PABPC1: variants seen among roughly 807,000 people sequenced by gnomAD.
PABPC1 encodes the protein poly(A) binding protein cytoplasmic 1.
In PABPC1, 4 loss-of-function variants were observed where a neutral mutation model predicts 74.0. That is an observed-to-expected ratio of 0.05 (90% CI 0.03 to 0.12). The LOEUF (loss-of-function observed/expected upper bound fraction) is 0.12. Ranked by LOEUF, PABPC1 falls within the 10% of genes least tolerant of loss-of-function variation. The pLI, the probability that PABPC1 is intolerant of heterozygous loss-of-function variation, is 1.00. For missense variants in PABPC1, 271 were observed against 821.1 expected (o/e 0.33, Z 8.19); for synonymous variants, 227 against 264.1 (o/e 0.86, Z 1.36).
At chr8:100,709,249 T>G (rs535853583) in intron 8 of PABPC1, 26 bp from the exon 9 acceptor site, 2 of 1,597,676 alleles carry the variant, frequency 1.3e-6, no homozygotes, top group Admixed American at 3.4e-5. Flanking sequence ...GCACATGAGT[T>G]TATCAGTTGA....
In PABPC1 at chr8:100,717,763, T is replaced by C. The variant is rs1384503425; in HGVS notation, c.503+10A>G. 2.7e-6 allele frequency: 4 copies of C among 1,466,666 alleles called. No individual in the cohort carries two copies. The African/African-American group carries it at 5.6e-5, about 20-fold the overall frequency. 90.9% of individuals were successfully genotyped at this position (1,466,666 alleles called of 1,614,324 possible). A position where few individuals can be genotyped will look rare whatever the true frequency, so the allele number is the denominator to read the frequency against. ...TTCAAAATATGATTAGCTAGATATT[T>C]ATAACTTACACTTTGCGATCATTTA... On this transcript the variant is annotated intron_variant, in intron 3 of 14. Coordinates refer to ENST00000318607, the MANE Select transcript of PABPC1 (RefSeq NM_002568.4).
rs1288716003 is a variant in PABPC1, at chr8:100,709,260, AG to A, written c.1246-38del. 4 of 1,573,014 alleles carry A rather than the reference AG, an allele frequency of 2.5e-6. No homozygotes were observed. The African/African-American group carries it at 5.4e-5, about 21-fold the overall frequency. On this transcript the variant is annotated intron_variant, in intron 8 of 14. Transcript: ENST00000318607. The stretch of plus-strand genomic sequence containing the variant: ...AAAAGCACATGAGTTTATCAGTTGA[AG>A]AAAAAAGCAAATAATGCAATAAATT...
chr8:100,706,494 C>A (rs1324623592), intron 11 of PABPC1, among the ~76,000 whole-genome samples, 157 bp downstream of exon 11: 1 of 152,058 alleles, frequency 6.6e-6, no homozygotes, highest in African/African-American at 2.4e-5. Flanking sequence ...TGTATGTTGC[C>A]CAGGCTGGTC....
intron 4 of PABPC1, among the ~76,000 whole-genome samples, chr8:100,713,985 G>A (rs1810598113): frequency 6.6e-6 from 1 of 152,164 alleles, no homozygotes; most frequent in Admixed American, 6.6e-5. Flanking sequence ...ATTTATTTCT[G>A]AAGACATGTT....
intron 3 of PABPC1, among the ~76,000 whole-genome samples, 172 bp from the exon 4 acceptor site, chr8:100,715,773 T>C (rs1469828894): frequency 6.6e-6 from 1 of 152,082 alleles, no homozygotes; most frequent in Admixed American, 6.5e-5. Context: ...CCATGAAATA[T>C]ATGAATAAGC....
At chr8:100,712,301 A>G (rs993410868) in intron 7 of PABPC1, 61 bp downstream of exon 7, 10 of 943,274 alleles carry the variant, frequency 1.1e-5, no homozygotes, top group Non-Finnish European at 1.6e-5. Flanking sequence ...ATTTATATAC[A>G]TATATCTACA....
chr8:100,717,248 T>C (rs1467625989), intron 3 of PABPC1, among the ~76,000 whole-genome samples: 1 of 152,138 alleles, frequency 6.6e-6, no homozygotes, highest in East Asian at 1.9e-4. Flanking sequence ...CCTCAGGTGA[T>C]CCGCCCACCT....
chr8:100,704,775 G>A (rs777866904), intron 13 of PABPC1, 151 bp downstream of exon 13: 85 of 768,346 alleles, frequency 1.1e-4, no homozygotes, highest in South Asian at 1.5e-4. Context: ...CTATAAAATG[G>A]GGATAAATAG....
intron 4 of PABPC1, among the ~76,000 whole-genome samples, chr8:100,714,628 TAG>T (rs1810618330): frequency 6.6e-6 from 1 of 151,736 alleles, no homozygotes; most frequent in East Asian, 1.9e-4. Context: ...CTACTCAAGG[TAG>T]AGATAGGAGA....
rs1018068105 is a variant in PABPC1 at position 100,722,054 on chromosome 8, C to G, written c.-471G>C. On this transcript the variant is annotated 5_prime_UTR_variant, in exon 1 of 15. Transcript: ENST00000318607. ...GTGTTCCGAGCCCGGAGCACACACT[C>G]CGCACTCTCAGCACTAACCGCCGGG... is the stretch of plus-strand genomic sequence containing the variant. The G allele has an allele frequency of 6.5e-6, 1 of 153,054 alleles. No individual in the cohort carries two copies. Among genetic ancestry groups the G allele is most frequent in the Non-Finnish European group, 1.5e-5 (1 of 68,328 alleles). 9.5% of individuals were successfully genotyped at this position (153,054 alleles called of 1,614,324 possible). A position where few individuals can be genotyped will look rare whatever the true frequency, so the allele number is the denominator to read the frequency against.
intron 4 of PABPC1, among the ~76,000 whole-genome samples, chr8:100,714,209 A>G (rs1810604366): frequency 6.6e-6 from 1 of 152,236 alleles, no homozygotes; most frequent in Non-Finnish European, 1.5e-5. Context: ...CTTATGCAGC[A>G]TTACTCATAC....
At chr8:100,718,818 G>A (rs541133648) in intron 1 of PABPC1, among the ~76,000 whole-genome samples, 1 of 152,230 alleles carries the variant, frequency 6.6e-6, no homozygotes, top group South Asian at 2.1e-4. Flanking sequence ...TTAATTATTG[G>A]GGGGAGGGAG....
At position 100,721,476 on chromosome 8, in the gene PABPC1, G is replaced by A. The variant is rs760519628; in HGVS notation, c.108C>T (p.Pro36=). 6.2e-7 allele frequency: 1 copy of A among 1,611,962 alleles called. No individual in the cohort carries two copies. Among genetic ancestry groups the A allele is most frequent in the Non-Finnish European group, 8.5e-7 (1 of 1,178,930 alleles). ...CCCTGCAGACCCGGATGGAGAGGAT[G>A]GGCCCGGCCGGGCTGAACTTCTCGT... ...MLYEKFSPAG[P]ILSIRVCRDM... Residue 36 remains proline, a synonymous_variant, in exon 1 of 15, where the codon CCC becomes CCT. Transcript: ENST00000318607. This position sits in a 1 kb window ranked among gnomAD's most constrained non-coding sequence, Gnocchi z 7.4.
At chr8:100,712,919 T>A (rs1476305200) in intron 5 of PABPC1, 130 bp from the exon 6 acceptor site, 1 of 1,214,722 alleles carries the variant, frequency 8.2e-7, no homozygotes, top group Non-Finnish European at 1.1e-6. Context: ...ATCTCAAGGT[T>A]TTGGGACAAT....
chr8:100,721,091 G>A lies in PABPC1; in HGVS notation c.193+300C>T, dbSNP rs1810812767. On this transcript the variant is annotated intron_variant, in intron 1 of 14. Transcript: ENST00000318607. This position sits in a 1 kb window ranked among gnomAD's most constrained non-coding sequence, Gnocchi z 7.4. Reference sequence around the variant, plus strand: ...CCGGGGCCACTGGCGGGAGCGCCGCGGAGGAACCGAATCTCACCCACCCTC... The same window carrying A: ...CCGGGGCCACTGGCGGGAGCGCCGCAGAGGAACCGAATCTCACCCACCCTC... 6.6e-6 allele frequency among the ~76,000 whole-genome samples: 1 copy of A among 152,192 alleles called. No individual in the cohort carries two copies. The highest frequency in any genetic ancestry group is 6.5e-5 in the Admixed American group (1 of 15,292).
chr8:100,714,294 A>G (rs1437219811), intron 4 of PABPC1, among the ~76,000 whole-genome samples: 1 of 152,272 alleles, frequency 6.6e-6, no homozygotes, highest in East Asian at 1.9e-4. Flanking sequence ...GTTGAAATAT[A>G]TAAAAGGCAG....
At chr8:100,714,358 A>G (rs1219750464) in intron 4 of PABPC1, among the ~76,000 whole-genome samples, 2 of 152,202 alleles carry the variant, frequency 1.3e-5, no homozygotes, top group Non-Finnish European at 2.9e-5. Context: ...TATGTTTTAT[A>G]TCATCTATCT....
intron 7 of PABPC1, 50 bp downstream of exon 7, chr8:100,712,312 T>C (rs1350309698): frequency 1.9e-6 from 2 of 1,045,580 alleles, no homozygotes; most frequent in East Asian, 2.4e-5. Context: ...TATATCTACA[T>C]GTATGAATTT....
intron 4 of PABPC1, among the ~76,000 whole-genome samples, chr8:100,714,706 G>A (rs1587161387): frequency 6.6e-6 from 1 of 151,834 alleles, no homozygotes; most frequent in Admixed American, 6.6e-5. Context: ...TCCAGCCCGG[G>A]TGACAGAGCA....
Sources: allele counts gnomAD v4.1 joint callset (sites outside exome capture counted in the v4.1 genomes callset), GRCh38; gene constraint gnomAD v4.1.1; non-coding constraint Gnocchi (gnomAD v3.1); transcripts MANE v1.5; gene names NCBI Gene and HGNC (gene_info 2026-07-23, HGNC 2026-07-21).